The following GALC variants were observed in gnomAD, a reference collection of about 807,000 sequenced individuals.
The protein encoded by GALC is galactosylceramidase, also known as galactocerebrosidase.
GALC carries 77 observed loss-of-function variants against 91.8 expected under a neutral mutation model. The observed-to-expected ratio is 0.84, with a 90% CI of 0.70 to 1.01. The LOEUF (loss-of-function observed/expected upper bound fraction) is 1.01. Among genes scored for constraint, GALC ranks in the 50% least tolerant of loss-of-function variants. The pLI is 0.00. For synonymous variants in GALC, 357 were observed against 306.7 expected (o/e 1.16, Z -1.71); for missense variants, 882 against 855.9 (o/e 1.03, Z -0.38).
At chr14:87,993,483 T>C (rs559871790), upstream of GALC, 25 of 1,535,632 alleles carry the variant, frequency 1.6e-5, no homozygotes, top group South Asian at 2.9e-4. Flanking sequence ...GGCCCTACCA[T>C]GGCTCTTCCC....
chr14:87,952,054 G>A (rs1018907133), intron 10 of GALC, among the ~76,000 whole-genome samples: 1 of 150,964 alleles, frequency 6.6e-6, no homozygotes, highest in Non-Finnish European at 1.5e-5. Flanking sequence ...CCAAAAAACT[G>A]TGGAAATAAA....
rs1884479936 is a variant in GALC, at chr14:87,934,345, T to C, written c.*387A>G. 6.3e-6 allele frequency: 8 copies of C among 1,270,266 alleles called. No individual in the cohort carries two copies. Among genetic ancestry groups the C allele is most frequent in the South Asian group, 5.2e-5 (3 of 58,230 alleles). The allele number at this position is 1,270,266 out of a possible 1,614,324, so 78.7% of individuals were successfully genotyped here. The stretch of plus-strand genomic sequence containing the variant: ...GGCTCACTTGGACACACGGTCAGCA[T>C]GCATAAATACATCTCAGTGATGATC... On this transcript the variant is annotated 3_prime_UTR_variant, in exon 17 of 17. Coordinates refer to ENST00000261304, the MANE Select transcript of GALC (RefSeq NM_000153.4).
chr14:87,957,536 T>C (rs374391285), intron 10 of GALC, among the ~76,000 whole-genome samples: 1 of 152,286 alleles, frequency 6.6e-6, no homozygotes, highest in African/African-American at 2.4e-5. Flanking sequence ...CAAATTTATA[T>C]TTTTGAATGC....
intron 10 of GALC, chr14:87,952,863 T>C (rs1885369292): frequency 8.9e-7 from 1 of 1,117,422 alleles, no homozygotes; most frequent in Non-Finnish European, 1.4e-6. Context: ...AATATGTGGA[T>C]TTGAAAGCAT....
chr14:87,965,413 A>G, intron 9 of GALC, 92 bp downstream of exon 9: 1 of 1,355,772 alleles, frequency 7.4e-7, no homozygotes, highest in Admixed American at 1.7e-5. Flanking sequence ...AAACACGCAT[A>G]GACACACAGT....
chr14:87,938,837 A>C (rs1432835020), intron 16 of GALC, among the ~76,000 whole-genome samples: 1 of 151,966 alleles, frequency 6.6e-6, no homozygotes, highest in Non-Finnish European at 1.5e-5. Context: ...AAATACCATA[A>C]GCAAAATTAG....
chr14:87,985,482 G>C (rs1485694000), intron 4 of GALC, among the ~76,000 whole-genome samples: 7 of 152,112 alleles, frequency 4.6e-5, no homozygotes, highest in African/African-American at 1.4e-4. Context: ...ATTTAAATGA[G>C]GTCTGACCTT....
chr14:87,988,242 G>T, intron 2 of GALC, 35 bp from the exon 3 acceptor site: 1 of 1,562,246 alleles, frequency 6.4e-7, no homozygotes, highest in Non-Finnish European at 8.8e-7. Context: ...ACATAGTGTT[G>T]TATTGTATGA....
chr14:87,954,751 T>C, intron 10 of GALC: 1 of 1,566,976 alleles, frequency 6.4e-7, no homozygotes, highest in Middle Eastern at 1.7e-4. Context: ...CTCTGAAGAG[T>C]ATTTCTTTTC....
chr14:87,962,032 G>A (rs1885827451), intron 10 of GALC, among the ~76,000 whole-genome samples: 2 of 152,014 alleles, frequency 1.3e-5, no homozygotes, highest in African/African-American at 4.8e-5. Flanking sequence ...TTTCCTATTT[G>A]TCTCATTTTG....
chr14:87,954,712 T>G lies in GALC; in HGVS notation c.1162-3964A>C. ...AGCTGTCATTTCCTATTACGGCAGCTCAGAAGATAGCTCTAAATGCTCACA... is the reference window on the plus strand; with the variant it reads ...AGCTGTCATTTCCTATTACGGCAGCGCAGAAGATAGCTCTAAATGCTCACA... On this transcript the variant is annotated intron_variant, in intron 10 of 16. Transcript: ENST00000261304. The G allele has an allele frequency of 1.5e-5, 24 of 1,552,424 alleles. 1 individual carries two copies. In the South Asian group the frequency reaches 2.7e-4, roughly 17 times the overall value.
intron 7 of GALC, among the ~76,000 whole-genome samples, chr14:87,975,750 A>C (rs1435474726): frequency 6.6e-6 from 1 of 151,716 alleles, no homozygotes; most frequent in Non-Finnish European, 1.5e-5. Context: ...AATTCTACAC[A>C]CATACATACA....
chr14:87,933,730 A>G lies in GALC; in HGVS notation c.*1002T>C, dbSNP rs1884454645. The G allele has an allele frequency of 6.6e-6, 3 of 455,996 alleles. No homozygotes were observed. Among genetic ancestry groups the G allele is most frequent in the Non-Finnish European group, 1.2e-5 (3 of 256,486 alleles). The allele number at this position is 455,996 out of a possible 1,614,324, so 28.2% of individuals were successfully genotyped here. Reference sequence around the variant, plus strand: ...CATTAATGCTTAGTATAAATCATACAACATGATGAACACGCTCACGTATAT... The same window carrying G: ...CATTAATGCTTAGTATAAATCATACGACATGATGAACACGCTCACGTATAT... On this transcript the variant is annotated 3_prime_UTR_variant, in exon 17 of 17. Coordinates refer to ENST00000261304, the MANE Select transcript of GALC (RefSeq NM_000153.4).
At chr14:87,979,932 G>C (rs1448579898) in intron 6 of GALC, among the ~76,000 whole-genome samples, 1 of 151,980 alleles carries the variant, frequency 6.6e-6, no homozygotes, top group Non-Finnish European at 1.5e-5. Flanking sequence ...CTTATTAATA[G>C]CTCCACTGCC....
intron 10 of GALC, chr14:87,952,636 T>C (rs367644829): frequency 9.8e-6 from 15 of 1,536,374 alleles, no homozygotes; most frequent in East Asian, 9.2e-5. Flanking sequence ...TCTTTATATC[T>C]GAAGGATGAA....
At chr14:87,991,082 T>A (rs1887178997) in intron 1 of GALC, among the ~76,000 whole-genome samples, 1 of 152,222 alleles carries the variant, frequency 6.6e-6, no homozygotes, top group Non-Finnish European at 1.5e-5. Context: ...AGAGGAGTTA[T>A]AATAGATAAC....
At chr14:87,942,480 G>A (rs899570362) in intron 14 of GALC, among the ~76,000 whole-genome samples, 1 of 151,974 alleles carries the variant, frequency 6.6e-6, no homozygotes, top group African/African-American at 2.4e-5. Flanking sequence ...CTTCTGGAAT[G>A]CTACAACCAC....
intron 15 of GALC, 72 bp downstream of exon 15, chr14:87,941,323 A>T (rs912788562): frequency 2.0e-6 from 2 of 984,662 alleles, no homozygotes; most frequent in African/African-American, 3.2e-5. Context: ...CACTCCCACA[A>T]ATAACAAGTA....
At chr14:87,945,060 A>G (rs953548831) in intron 14 of GALC, among the ~76,000 whole-genome samples, 8 of 152,002 alleles carry the variant, frequency 5.3e-5, no homozygotes, top group Non-Finnish European at 8.8e-5. Flanking sequence ...TGACTAAATA[A>G]AAAGTTAAAT....
Sources: gnomAD v4.1 joint callset for allele counts (sites outside exome capture counted in the v4.1 genomes callset) on GRCh38, gnomAD v4.1.1 for gene constraint, MANE v1.5 for transcripts, NCBI Gene and HGNC (gene_info 2026-07-23, HGNC 2026-07-21) for gene names.